Variants in PRKAR2B observed in about 807,000 individuals in gnomAD.
The protein encoded by PRKAR2B is protein kinase cAMP-dependent type II regulatory subunit beta.
PRKAR2B carries 14 observed loss-of-function variants against 49.9 expected under a neutral mutation model. The observed-to-expected ratio is 0.28, with a 90% confidence interval of 0.19 to 0.44. PRKAR2B has a LOEUF of 0.44. PRKAR2B is among the 20% of genes least tolerant of loss of function. PRKAR2B has a pLI of 1.00. For synonymous variants in PRKAR2B, 196 were observed against 197.7 expected, an observed-to-expected ratio of 0.99 and a Z score of 0.07; for missense variants, 393 against 537.9, an observed-to-expected ratio of 0.73 and a Z score of 2.67.
intron 5 of PRKAR2B, among the ~76,000 whole-genome samples, chr7:107,141,553 G>A (rs1795790648): frequency 6.6e-6 from 1 of 152,264 alleles, no homozygotes; most frequent in African/African-American, 2.4e-5. Context: ...TTAGCCAGGT[G>A]TGGTGGTGCA....
chr7:107,145,527 A>G (rs1470702285), intron 5 of PRKAR2B, among the ~76,000 whole-genome samples: 1 of 152,198 alleles, frequency 6.6e-6, no homozygotes, highest in Non-Finnish European at 1.5e-5. Context: ...TTATGCTTTT[A>G]GATAACTACA....
chr7:107,142,772 T>G (rs891702993), intron 5 of PRKAR2B, among the ~76,000 whole-genome samples: 2 of 144,708 alleles, frequency 1.4e-5, no homozygotes, highest in African/African-American at 2.5e-5. Flanking sequence ...TTTTTGTTTG[T>G]TTTTTTTTTT....
intron 4 of PRKAR2B, among the ~76,000 whole-genome samples, chr7:107,131,503 C>A (rs1483884657): frequency 1.3e-5 from 2 of 152,002 alleles, no homozygotes; most frequent in Non-Finnish European, 2.9e-5. Flanking sequence ...TGCTGAAGGT[C>A]AATATGTATT....
In PRKAR2B at chr7:107,159,809, T is replaced by G; in HGVS notation, c.*227T>G. ...AAATCAACATACTGATAAAATGACT[T>G]TGTACTCCACAAAATTATGACTGAA... is the stretch of plus-strand genomic sequence containing the variant. On this transcript the variant is annotated 3_prime_UTR_variant, in exon 11 of 11. Coordinates refer to ENST00000265717, the MANE Select transcript of PRKAR2B (RefSeq NM_002736.3). The G allele has an allele frequency of 2.3e-6, 1 of 427,172 alleles. No homozygotes were observed. Among genetic ancestry groups the G allele is most frequent in the Non-Finnish European group, 4.1e-6 (1 of 241,890 alleles). The allele number at this position is 427,172 out of a possible 1,614,324, so 26.5% of individuals were successfully genotyped here.
intron 2 of PRKAR2B, among the ~76,000 whole-genome samples, chr7:107,084,492 T>C (rs1562851335): frequency 6.6e-6 from 1 of 152,220 alleles, no homozygotes; most frequent in East Asian, 1.9e-4. Flanking sequence ...AACTTATACA[T>C]TTTTGGGAGT....
At chr7:107,155,010 C>T (rs1439941016) in intron 8 of PRKAR2B, among the ~76,000 whole-genome samples, 1 of 152,196 alleles carries the variant, frequency 6.6e-6, no homozygotes, top group East Asian at 1.9e-4. Flanking sequence ...AAGTTGATGG[C>T]TTATCTTGGG....
chr7:107,065,144 G>GA (rs1276180651), intron 1 of PRKAR2B, among the ~76,000 whole-genome samples: 1 of 152,192 alleles, frequency 6.6e-6, no homozygotes, highest in African/African-American at 2.4e-5. Context: ...TTTGTTGCTA[G>GA]AAAAGGTGAT....
At chr7:107,141,155 G>A (rs1478485791) in intron 5 of PRKAR2B, among the ~76,000 whole-genome samples, 1 of 152,200 alleles carries the variant, frequency 6.6e-6, no homozygotes, top group Non-Finnish European at 1.5e-5. Context: ...AGTTTATAGA[G>A]GAACTAATGA....
intron 3 of PRKAR2B, among the ~76,000 whole-genome samples, chr7:107,124,850 T>A (rs1367415941): frequency 2.6e-5 from 4 of 151,626 alleles, no homozygotes; most frequent in Non-Finnish European, 5.9e-5. Flanking sequence ...TTTTGGTAAA[T>A]TTTTTTTTAA....
intron 1 of PRKAR2B, among the ~76,000 whole-genome samples, chr7:107,052,110 A>G (rs548250573): frequency 1.3e-5 from 2 of 152,302 alleles, no homozygotes; most frequent in Admixed American, 1.3e-4. Context: ...ATAGAAAACT[A>G]ATGTCTTTTA....
intron 5 of PRKAR2B, among the ~76,000 whole-genome samples, chr7:107,143,978 C>A (rs1328063915): frequency 6.6e-6 from 1 of 152,194 alleles, no homozygotes; most frequent in East Asian, 1.9e-4. Context: ...AAATGATTAT[C>A]CATGGGACAA....
chr7:107,108,517 C>G (rs932407981), intron 2 of PRKAR2B, among the ~76,000 whole-genome samples: 7 of 152,172 alleles, frequency 4.6e-5, no homozygotes, highest in African/African-American at 1.7e-4. Context: ...GGCCTTGTTC[C>G]CTCTTCTTGG....
chr7:107,065,313 G>GGTGTGTGTGTGTGTGTGTGTGT (rs1353262616), intron 1 of PRKAR2B, among the ~76,000 whole-genome samples: 1 of 130,296 alleles, frequency 7.7e-6, no homozygotes, highest in Admixed American at 7.9e-5. Context: ...GTTTGCTCGG[G>GGTGTGTGTGTGTGTGTGTGTGT]GTGTGTGTAT....
chr7:107,092,170 G>A (rs1055010283), intron 2 of PRKAR2B, among the ~76,000 whole-genome samples: 1 of 151,998 alleles, frequency 6.6e-6, no homozygotes, highest in Non-Finnish European at 1.5e-5. Context: ...CAGATTGTGG[G>A]GGAGGGTAGC....
chr7:107,055,080 G>A (rs1793885821), intron 1 of PRKAR2B, among the ~76,000 whole-genome samples: 1 of 151,808 alleles, frequency 6.6e-6, no homozygotes, highest in Non-Finnish European at 1.5e-5. Context: ...TTTTGTCCTT[G>A]TGATAGTTTG....
intron 1 of PRKAR2B, among the ~76,000 whole-genome samples, chr7:107,054,758 A>C (rs2116751904): frequency 6.6e-6 from 1 of 152,302 alleles, no homozygotes; most frequent in South Asian, 2.1e-4. Context: ...CTAATGGTAA[A>C]TGTGTATGAA....
At chr7:107,057,879 T>C (rs1269240143) in intron 1 of PRKAR2B, among the ~76,000 whole-genome samples, 2 of 152,168 alleles carry the variant, frequency 1.3e-5, no homozygotes, top group African/African-American at 2.4e-5. Context: ...AAGCTAGAGA[T>C]TGCTCTCAAG....
chr7:107,089,928 G>T (rs1794703530), intron 2 of PRKAR2B, among the ~76,000 whole-genome samples: 1 of 152,174 alleles, frequency 6.6e-6, no homozygotes, highest in Admixed American at 6.5e-5. Context: ...ATTTGAATCT[G>T]TCATCTTGCA....
intron 1 of PRKAR2B, 73 bp downstream of exon 1, chr7:107,045,287 G>C: frequency 7.7e-7 from 1 of 1,293,408 alleles, no homozygotes; most frequent in Non-Finnish European, 1.0e-6. Context: ...CTGTGCTCTC[G>C]GATCTTGCCG....
Sources: allele counts gnomAD v4.1 joint callset (sites outside exome capture counted in the v4.1 genomes callset), GRCh38; gene constraint gnomAD v4.1.1; transcripts MANE v1.5; gene names NCBI Gene and HGNC (gene_info 2026-07-23, HGNC 2026-07-21).